The following SNAI3 variants were observed in gnomAD, a reference collection of about 807,000 sequenced individuals.
SNAI3 encodes snail family transcriptional repressor 3.
SNAI3 carries 21 observed loss-of-function variants against 16.4 expected under a neutral mutation model. That is an observed-to-expected ratio of 1.28 (90% CI 0.91 to 1.85). The LOEUF (loss-of-function observed/expected upper bound fraction) is 1.85, where lower values mean the gene tolerates loss of function less well. SNAI3 is among the 40% of genes most tolerant of loss of function. The pLI is 0.00. For missense variants in SNAI3, 457 were observed against 372.8 expected (o/e 1.23, Z -1.86); for synonymous variants, 202 against 166.6 (o/e 1.21, Z -1.64).
intron 1 of SNAI3, 86 bp downstream of exon 1, chr16:88,686,245 C>A: frequency 2.7e-6 from 4 of 1,496,964 alleles, no homozygotes; most frequent in Non-Finnish European, 3.6e-6. Context: ...GGTGTCTCCC[C>A]AGCCCCCGCT....
At chr16:88,679,532 C>T (rs533531482) in intron 2 of SNAI3, among the ~76,000 whole-genome samples, 41 of 148,830 alleles carry the variant, frequency 2.8e-4, no homozygotes, top group African/African-American at 7.2e-4. Context: ...GAGGCCGAGG[C>T]GGGTGGATCA....
In SNAI3 at chr16:88,681,735, G is replaced by T. The variant is rs1023532271; in HGVS notation, c.77-21C>A. 6 of 1,414,940 alleles carry T rather than the reference G, an allele frequency of 4.2e-6. No individual in the cohort carries two copies. Among genetic ancestry groups the T allele is most frequent in the Non-Finnish European group, 5.6e-6 (6 of 1,079,760 alleles). The allele number at this position is 1,414,940 out of a possible 1,614,324, so 87.6% of individuals were successfully genotyped here. On this transcript the variant is annotated intron_variant, in intron 1 of 2. Transcript: ENST00000332281. The surrounding 1 kb of genome is among the most constrained non-coding windows in gnomAD (Gnocchi z 5.4). ...GATTTCTAGAGGGGTGGAGGGGAGA[G>T]AATAGAAAGATGAAGACTGAATCCC...
At position 88,678,001 on chromosome 16, in the gene SNAI3, A is replaced by G. The variant is rs901623501; in HGVS notation, c.*447T>C. ...GGCTGGCTGAGAGGTAGTTGTGCCTACTGAGGAAGGGCCACAGGGCGGTGC... is the reference window on the plus strand; with the variant it reads ...GGCTGGCTGAGAGGTAGTTGTGCCTGCTGAGGAAGGGCCACAGGGCGGTGC... On this transcript the variant is annotated 3_prime_UTR_variant, in exon 3 of 3. Coordinates refer to ENST00000332281, the MANE Select transcript of SNAI3 (RefSeq NM_178310.4). 1 of 158,570 alleles carries G rather than the reference A, an allele frequency of 6.3e-6. No homozygotes were observed. Among genetic ancestry groups the G allele is most frequent in the Non-Finnish European group, 1.4e-5 (1 of 71,982 alleles). 9.8% of individuals were successfully genotyped at this position (158,570 alleles called of 1,614,324 possible).
intron 1 of SNAI3, among the ~76,000 whole-genome samples, chr16:88,682,762 A>ATTTTTTTTTTTTATTTTTTTTT: frequency 1.6e-5 from 1 of 60,654 alleles, no homozygotes; most frequent in Non-Finnish European, 3.0e-5. Flanking sequence ...TGGGCAAGGG[A>ATTTTTTTTTTTTATTTTTTTTT]TTTTTTTTTT....
At chr16:88,685,330 C>T (rs1438436149) in intron 1 of SNAI3, 1 of 152,066 alleles carries the variant, frequency 6.6e-6, no homozygotes, top group Non-Finnish European at 1.5e-5. Flanking sequence ...GCAGCCCGGG[C>T]CTCGGGTGTG....
chr16:88,679,910 G>A (rs1455334670), intron 2 of SNAI3, among the ~76,000 whole-genome samples: 3 of 151,588 alleles, frequency 2.0e-5, no homozygotes, highest in Admixed American at 6.6e-5. Context: ...CGAGACCCCC[G>A]TTTCTACAAA....
Position 88,686,458 on chromosome 16 carries a change from C to G in SNAI3, c.-52G>C. On this transcript the variant is annotated 5_prime_UTR_variant, in exon 1 of 3. Coordinates refer to ENST00000332281, the MANE Select transcript of SNAI3 (RefSeq NM_178310.4). Reference sequence around the variant, plus strand: ...GTGGGCTGGGGCGGGAGGGGCGCGCCTGGGTCCGGACTGCTGCGTCCGCCG... The same window carrying G: ...GTGGGCTGGGGCGGGAGGGGCGCGCGTGGGTCCGGACTGCTGCGTCCGCCG... 1 of 1,588,604 alleles carries G rather than the reference C, an allele frequency of 6.3e-7. No individual in the cohort carries two copies. The highest frequency in any genetic ancestry group is 1.7e-4 in the Middle Eastern group (1 of 5,724).
chr16:88,678,481 C>CCGG lies in SNAI3; in HGVS notation c.845_846insCCG (p.Arg282dup). On this transcript the variant is annotated inframe_insertion, in exon 3 of 3. Transcript: ENST00000332281. Reference sequence around the variant, plus strand: ...CCGGGCAGCAGCCAGACTCCTCATGCCGCGCCAGGAGGGACATGCGGGAGA... The same window carrying CCGG: ...CCGGGCAGCAGCCAGACTCCTCATGCCGGCGCGCCAGGAGGGACATGCGGGAGA... 1 of 778,198 alleles carries CCGG rather than the reference C, an allele frequency of 1.3e-6. No homozygotes were observed. The highest frequency in any genetic ancestry group is 1.3e-5 in the South Asian group (1 of 74,602). 48.2% of individuals were successfully genotyped at this position (778,198 alleles called of 1,614,324 possible). A position where few individuals can be genotyped will look rare whatever the true frequency, so the allele number is the denominator to read the frequency against.
intron 2 of SNAI3, 89 bp from the exon 3 acceptor site, chr16:88,678,718 C>T (rs1256323638): frequency 6.7e-7 from 1 of 1,483,044 alleles, no homozygotes; most frequent in Non-Finnish European, 8.9e-7. Context: ...ATACTCCCAT[C>T]CCTTCCCCAC....
intron 2 of SNAI3, chr16:88,678,948 G>A (rs948579868): frequency 1.0e-6 from 1 of 985,282 alleles, no homozygotes; most frequent in African/African-American, 1.7e-5. Flanking sequence ...CAAGTGGGGG[G>A]GTCTGGCCAG....
chr16:88,682,227 G>A (rs1220376589), intron 1 of SNAI3, among the ~76,000 whole-genome samples: 1 of 152,226 alleles, frequency 6.6e-6, no homozygotes, highest in African/African-American at 2.4e-5. Flanking sequence ...TCACCCCACA[G>A]TCGCCCCTCG....
chr16:88,686,177 C>G (rs780764307), intron 1 of SNAI3, 154 bp downstream of exon 1: 1 of 1,012,240 alleles, frequency 9.9e-7, no homozygotes, highest in Non-Finnish European at 1.4e-6. Flanking sequence ...CCACCTCCCT[C>G]CCTGCAGCCG....
At chr16:88,682,149 T>G (rs1360503456) in intron 1 of SNAI3, among the ~76,000 whole-genome samples, 1 of 152,090 alleles carries the variant, frequency 6.6e-6, no homozygotes, top group East Asian at 1.9e-4. Flanking sequence ...CAGCCATCAG[T>G]CAGACGCTTG....
chr16:88,686,459 TGGG>T lies in SNAI3; in HGVS notation c.-56_-54del, dbSNP rs1909368962. The stretch of plus-strand genomic sequence containing the variant: ...TGGGCTGGGGCGGGAGGGGCGCGCC[TGGG>T]TCCGGACTGCTGCGTCCGCCGGCGC... On this transcript the variant is annotated 5_prime_UTR_variant, in exon 1 of 3. Coordinates refer to ENST00000332281, the MANE Select transcript of SNAI3 (RefSeq NM_178310.4). 1.3e-6 allele frequency: 2 copies of T among 1,587,926 alleles called. No homozygotes were observed. The highest frequency in any genetic ancestry group is 1.7e-6 in the Non-Finnish European group (2 of 1,172,170).
intron 1 of SNAI3, among the ~76,000 whole-genome samples, chr16:88,682,762 A>AGTTTTTTTTTTTT (rs1909217847): frequency 1.6e-5 from 1 of 60,654 alleles, no homozygotes; most frequent in Non-Finnish European, 3.0e-5. Context: ...TGGGCAAGGG[A>AGTTTTTTTTTTTT]TTTTTTTTTT....
At chr16:88,684,492 C>CTGTTT (rs554027672) in intron 1 of SNAI3, among the ~76,000 whole-genome samples, 156 of 152,196 alleles carry the variant, frequency 1.0e-3, no homozygotes, top group East Asian at 3.7e-3. Context: ...GGAGAAGACA[C>CTGTTT]TGTTTTGTTT....
chr16:88,683,297 C>A (rs1261098243), intron 1 of SNAI3, among the ~76,000 whole-genome samples: 1 of 150,772 alleles, frequency 6.6e-6, no homozygotes, highest in Admixed American at 6.6e-5. Flanking sequence ...GCTCTGTCAC[C>A]CAGGCTGGAG....
chr16:88,680,068 G>A (rs1211703795), intron 2 of SNAI3, among the ~76,000 whole-genome samples: 1 of 138,872 alleles, frequency 7.2e-6, no homozygotes, highest in Non-Finnish European at 1.5e-5. Context: ...GCAATAGAGT[G>A]AGACCCTGCC....
In SNAI3 at chr16:88,681,603, G is replaced by A. The variant is rs570395342; in HGVS notation, c.188C>T (p.Ser63Leu). The change falls in exon 2 of 3, where the codon TCG (serine) becomes TTG (leucine). Residue 63 changes from serine to leucine, a missense_variant. Physicochemically the swap from Ser to Leu is moderately radical, Grantham distance 145. Coordinates refer to ENST00000332281, the MANE Select transcript of SNAI3 (RefSeq NM_178310.4). This position sits in a 1 kb window ranked among gnomAD's most constrained non-coding sequence, Gnocchi z 5.4. ...GGGCAGGGAGATGCAGGCGACGGCC[G>A]AGGAGCGGTCCCAGGGCTGGGGAAG... ...GDLPQPWDRS[S>L]AVACISLPLL... 4.7e-5 allele frequency: 70 copies of A among 1,500,756 alleles called. No homozygotes were observed. Among genetic ancestry groups the A allele is most frequent in the South Asian group, 4.2e-4 (31 of 73,270 alleles). The allele number at this position is 1,500,756 out of a possible 1,614,324, so 93.0% of individuals were successfully genotyped here. A position where few individuals can be genotyped will look rare whatever the true frequency, so the allele number is the denominator to read the frequency against.
Sources: gnomAD v4.1 joint callset for allele counts (sites outside exome capture counted in the v4.1 genomes callset) on GRCh38, gnomAD v4.1.1 for gene constraint, Gnocchi (gnomAD v3.1) non-coding constraint, MANE v1.5 for transcripts, NCBI Gene and HGNC (gene_info 2026-07-23, HGNC 2026-07-21) for gene names.